Variants in COPG2 observed in about 807,000 individuals in gnomAD.
COPG2 encodes the protein coat protein complex I subunit gamma 2, also known as coatomer subunit gamma-2.
Under a neutral mutation model 46.3 loss-of-function variants are expected in COPG2, and 37 were observed. That is an observed-to-expected ratio of 0.80 (90% CI 0.61 to 1.05). The LOEUF (loss-of-function observed/expected upper bound fraction) is 1.05, where lower values mean the gene tolerates loss of function less well. Among genes scored for constraint, COPG2 ranks in the 50% least tolerant of loss-of-function variants. COPG2 has a pLI of 0.00. For missense variants in COPG2, 427 were observed against 387.8 expected (o/e 1.10, Z -0.85); for synonymous variants, 159 against 129.7 (o/e 1.23, Z -1.53).
chr7:130,547,217 G>T (rs1377480645), intron 20 of COPG2: 2 of 152,512 alleles, frequency 1.3e-5, no homozygotes, highest in East Asian at 3.9e-4. Context: ...TCAGACACCA[G>T]CCTTATGCTA....
intron 9 of COPG2, chr7:130,604,629 T>TA: frequency 2.2e-6 from 1 of 448,958 alleles, no homozygotes; most frequent in Non-Finnish European, 4.4e-6. Context: ...AATATAGTGT[T>TA]ACGTCCTCCT....
chr7:130,610,842 C>T, intron 9 of COPG2, 111 bp downstream of exon 9: 6 of 1,020,500 alleles, frequency 5.9e-6, no homozygotes, highest in Non-Finnish European at 9.3e-6. Context: ...AAACATTGAA[C>T]TCATCTGTAA....
At chr7:130,631,904 T>G (rs1554455268) in intron 5 of COPG2, among the ~76,000 whole-genome samples, 1 of 152,222 alleles carries the variant, frequency 6.6e-6, no homozygotes, top group African/African-American at 2.4e-5. Flanking sequence ...CTTTTATAAT[T>G]AATGTGACTC....
At chr7:130,659,357 A>AAAAAAAAAAAAAAAAC (rs1445778752) in intron 4 of COPG2, among the ~76,000 whole-genome samples, 2 of 146,662 alleles carry the variant, frequency 1.4e-5, no homozygotes, top group African/African-American at 5.2e-5. Context: ...TCCGTCTCAA[A>AAAAAAAAAAAAAAAAC]AAAAAAAAAA....
chr7:130,656,588 G>T (rs952740417), intron 4 of COPG2, among the ~76,000 whole-genome samples: 2 of 151,996 alleles, frequency 1.3e-5, no homozygotes, highest in African/African-American at 4.8e-5. Context: ...CCACTAAGAA[G>T]ACAGCTGCAA....
chr7:130,668,063 T>C (rs982121756), intron 1 of COPG2, among the ~76,000 whole-genome samples: 2 of 152,176 alleles, frequency 1.3e-5, no homozygotes, highest in Non-Finnish European at 2.9e-5. Context: ...CCATTTGCTC[T>C]GGACCAAAGA....
chr7:130,639,616 G>A (rs1795422714), intron 5 of COPG2, among the ~76,000 whole-genome samples: 1 of 152,106 alleles, frequency 6.6e-6, no homozygotes, highest in Non-Finnish European at 1.5e-5. Flanking sequence ...TTTTGTTTTA[G>A]CAAGGAATCA....
intron 4 of COPG2, among the ~76,000 whole-genome samples, chr7:130,657,909 A>G (rs1481114684): frequency 6.6e-6 from 1 of 152,218 alleles, no homozygotes; most frequent in East Asian, 1.9e-4. Context: ...TGCTGGCCAG[A>G]ATGCAGAGCA....
chr7:130,561,839 C>A lies in COPG2; in HGVS notation c.940-618G>T, dbSNP rs977479086. 5.0e-4 allele frequency among the ~76,000 whole-genome samples: 76 copies of A among 152,240 alleles called. 1 individual carries two copies. In the East Asian group the frequency reaches 0.014, roughly 28 times the overall value. ...CAGCAAAACATGACCCAAACTAATG[C>A]GAAACTCTTTAATTCTTAATTTATA... On this transcript the variant is annotated intron_variant, in intron 11 of 23. Transcript: ENST00000425248.
intron 5 of COPG2, among the ~76,000 whole-genome samples, chr7:130,630,390 A>C (rs1389113518): frequency 3.3e-5 from 5 of 152,202 alleles, no homozygotes. Context: ...TGATTTTTGC[A>C]TATTGATCTT....
In COPG2 at chr7:130,610,939, G is replaced by T. The variant is rs782319793; in HGVS notation, c.737+14C>A. 40 of 1,613,358 alleles carry T rather than the reference G, an allele frequency of 2.5e-5. No individual in the cohort carries two copies. The highest frequency in any genetic ancestry group is 3.1e-5 in the Non-Finnish European group (37 of 1,179,490). ...CAAATGGAAAATAACCCAGGTTTAG[G>T]TGAAGACACTTACCCATCCTCAGTT... On this transcript the variant is annotated intron_variant, in intron 9 of 23. Transcript: ENST00000425248.
At chr7:130,606,726 G>A (rs1794739858) in intron 9 of COPG2, among the ~76,000 whole-genome samples, 1 of 152,130 alleles carries the variant, frequency 6.6e-6, no homozygotes, top group Non-Finnish European at 1.5e-5. Flanking sequence ...CAGCCTCCCT[G>A]CAATCTTCCC....
intron 5 of COPG2, among the ~76,000 whole-genome samples, chr7:130,620,430 C>A (rs903140138): frequency 3.9e-5 from 6 of 152,204 alleles, no homozygotes; most frequent in Non-Finnish European, 5.9e-5. Flanking sequence ...ACATACACAA[C>A]CCTCTGGCCC....
At chr7:130,596,854 G>T (rs1311255795) in intron 9 of COPG2, among the ~76,000 whole-genome samples, 3 of 152,204 alleles carry the variant, frequency 2.0e-5, no homozygotes, top group Admixed American at 2.0e-4. Context: ...TCTCTTTCAG[G>T]TCGTGCCGAG....
At chr7:130,535,782 C>T (rs999164193) in intron 20 of COPG2, among the ~76,000 whole-genome samples, 98,772 of 150,478 alleles carry the variant, frequency 0.66, 33,577 homozygotes, top group East Asian at 0.88. Context: ...AACACCATCT[C>T]ATTCATCTGA....
chr7:130,518,913 G>A (rs1660518128), intron 20 of COPG2, among the ~76,000 whole-genome samples: 1 of 151,350 alleles, frequency 6.6e-6, no homozygotes, highest in East Asian at 1.9e-4. Context: ...GGCTGAGGCA[G>A]GAAAACTGCT....
intron 5 of COPG2, among the ~76,000 whole-genome samples, chr7:130,636,386 TC>T (rs1316588652): frequency 1.3e-5 from 2 of 152,194 alleles, no homozygotes; most frequent in East Asian, 3.8e-4. Flanking sequence ...ATCTGGGTGC[TC>T]CTGCATTGGG....
chr7:130,625,021 T>G (rs1397434139), intron 5 of COPG2, among the ~76,000 whole-genome samples: 2 of 152,236 alleles, frequency 1.3e-5, no homozygotes, highest in African/African-American at 4.8e-5. Flanking sequence ...CTAATTTACA[T>G]TCCCATCAGC....
At chr7:130,588,106 A>G (rs1304580804) in intron 9 of COPG2, among the ~76,000 whole-genome samples, 1 of 150,658 alleles carries the variant, frequency 6.6e-6, no homozygotes, top group Admixed American at 6.6e-5. Flanking sequence ...ATACCATCTC[A>G]CAACAGTTAG....
Sources: allele counts gnomAD v4.1 joint callset (sites outside exome capture counted in the v4.1 genomes callset), GRCh38; gene constraint gnomAD v4.1.1; transcripts MANE v1.5; gene names NCBI Gene and HGNC (gene_info 2026-07-23, HGNC 2026-07-21).